ADAP2: variants seen among roughly 807,000 people sequenced by gnomAD.
The protein encoded by ADAP2 is arf-GAP with dual PH domain-containing protein 2.
In ADAP2, 42 loss-of-function variants were observed where a neutral mutation model predicts 54.9. The observed-to-expected ratio is 0.77, with a 90% CI of 0.60 to 0.99. The LOEUF is 0.99. Among genes scored for constraint, ADAP2 ranks in the 50% least tolerant of loss-of-function variants. ADAP2 has a pLI of 0.00. For synonymous variants in ADAP2, 177 were observed against 180.1 expected, an observed-to-expected ratio of 0.98 and a Z score of 0.14; for missense variants, 429 against 480.4, an observed-to-expected ratio of 0.89 and a Z score of 1.00.
intron 7 of ADAP2, among the ~76,000 whole-genome samples, chr17:30,951,078 G>A (rs1346315998): frequency 6.6e-5 from 10 of 152,132 alleles, no homozygotes; most frequent in Admixed American, 5.9e-4. Flanking sequence ...CAAGCTTTAG[G>A]GGTCCACATG....
chr17:30,925,183 ATTT>A (rs57259969), intron 2 of ADAP2, among the ~76,000 whole-genome samples: 3 of 98,128 alleles, frequency 3.1e-5, no homozygotes, highest in East Asian at 3.0e-4. Flanking sequence ...CGTGCCCAGC[ATTT>A]TTTTTTTTTT....
intron 4 of ADAP2, 73 bp from the exon 5 acceptor site, chr17:30,934,112 C>A: frequency 8.7e-7 from 1 of 1,149,906 alleles, no homozygotes; most frequent in Non-Finnish European, 1.3e-6. Context: ...CCCTTGAGAA[C>A]CTCAGAGGTT....
Position 30,944,973 on chromosome 17 carries a change from G to C in ADAP2, c.577G>C (p.Gly193Arg). The change falls in exon 6 of 11, where the codon GGG (glycine) becomes CGG (arginine). Residue 193 changes from glycine to arginine, a missense_variant. Gly to Arg is a moderately radical substitution (Grantham distance 125, BLOSUM62 -2). Transcript: ENST00000330889. ...LNATFQTEKI[G>R]HPHGLQITYR... ...TGCCACCTTCCAGACAGAGAAGATA[G>C]GGCACCCCCATGGGCTGCAGATCAC... 6.2e-7 allele frequency: 1 copy of C among 1,614,024 alleles called. No homozygotes were observed. Among genetic ancestry groups the C allele is most frequent in the Non-Finnish European group, 8.5e-7 (1 of 1,179,970 alleles).
At chr17:30,937,956 G>C (rs567323104) in intron 5 of ADAP2, among the ~76,000 whole-genome samples, 9 of 152,286 alleles carry the variant, frequency 5.9e-5, no homozygotes, top group African/African-American at 1.9e-4. Context: ...GCAGAAGTTG[G>C]ATGTCTGATT....
chr17:30,951,558 A>G (rs2142583393), intron 7 of ADAP2, among the ~76,000 whole-genome samples: 1 of 152,046 alleles, frequency 6.6e-6, no homozygotes, highest in African/African-American at 2.4e-5. Context: ...CTGGTCTCGA[A>G]CTTCTGGCCT....
In ADAP2 at chr17:30,955,113, ATT is replaced by A. The variant is rs113617171; in HGVS notation, c.882+570_882+571del. Among the ~76,000 whole-genome samples the A allele has an allele frequency of 6.0e-4, 87 of 145,508 alleles. 1 individual carries two copies. The highest frequency in any genetic ancestry group is 2.0e-3 in the African/African-American group (81 of 40,258). The stretch of plus-strand genomic sequence containing the variant: ...GCTCCGTAAATGTTAGGTATCACTT[ATT>A]TTTTTTTTTTTAGAGACAGAGTCTC... On this transcript the variant is annotated intron_variant, in intron 9 of 10. Transcript: ENST00000330889.
Position 30,944,942 on chromosome 17 carries a change from C to T in ADAP2, c.546C>T (p.Asp182=), listed in dbSNP as rs1912544184. 1 of 1,614,170 alleles carries T rather than the reference C, an allele frequency of 6.2e-7. No homozygotes were observed. Among genetic ancestry groups the T allele is most frequent in the Admixed American group, 1.7e-5 (1 of 60,014 alleles). The change falls in exon 6 of 11, where the codon GAC becomes GAT. Residue 182 remains aspartate, a synonymous_variant. Coordinates refer to ENST00000330889, the MANE Select transcript of ADAP2 (RefSeq NM_018404.3). ...KSPKAVISIK[D]LNATFQTEKI... ...CCAAAGCTGTCATCAGCATTAAGGACTTGAATGCCACCTTCCAGACAGAGA... is the reference window on the plus strand; with the variant it reads ...CCAAAGCTGTCATCAGCATTAAGGATTTGAATGCCACCTTCCAGACAGAGA...
Position 30,931,899 on chromosome 17 carries a change from G to A in ADAP2, c.328G>A (p.Glu110Lys). 6.2e-7 allele frequency: 1 copy of A among 1,613,696 alleles called. No homozygotes were observed. Among genetic ancestry groups the A allele is most frequent in the Non-Finnish European group, 8.5e-7 (1 of 1,179,828 alleles). ...GCTCTCTCTTTTTAGGGTCTTAAAG[G>A]AACAATGGATTCGAGCTAAGTATGA... ...PQANDCLVLK[E>K]QWIRAKYERR... is the part of the protein sequence containing the mutation. Residue 110 changes from glutamate (E) to lysine (K), a missense_variant, in exon 4 of 11, where the codon GAA (glutamate) becomes AAA (lysine). Physicochemically the swap from Glu to Lys is moderately conservative, Grantham distance 56 (BLOSUM62 1). Coordinates refer to ENST00000330889, the MANE Select transcript of ADAP2 (RefSeq NM_018404.3).
intron 3 of ADAP2, among the ~76,000 whole-genome samples, chr17:30,927,662 C>T (rs1173204004): frequency 6.6e-6 from 1 of 151,674 alleles, no homozygotes; most frequent in African/African-American, 2.4e-5. Context: ...GGCTCTGCCA[C>T]CTAAGCTCGG....
At position 30,957,816 on chromosome 17, in the gene ADAP2, C is replaced by A. The variant is rs751576214; in HGVS notation, c.1112-19C>A. ...ATTGGCATGGCCACCTCCCTCAGCC[C>A]TCTTCATTTCCCTTGCAGCTGCATC... On this transcript the variant is annotated intron_variant, in intron 10 of 10. Coordinates refer to ENST00000330889, the MANE Select transcript of ADAP2 (RefSeq NM_018404.3). 1 of 1,613,698 alleles carries A rather than the reference C, an allele frequency of 6.2e-7. No individual in the cohort carries two copies. Among genetic ancestry groups the A allele is most frequent in the South Asian group, 1.1e-5 (1 of 90,942 alleles).
chr17:30,934,620 C>T (rs559845334), intron 5 of ADAP2, among the ~76,000 whole-genome samples: 2 of 152,304 alleles, frequency 1.3e-5, no homozygotes, highest in Admixed American at 6.5e-5. Flanking sequence ...ACTGAGGATA[C>T]AGCAGGGAAC....
At chr17:30,922,351 G>A (rs973914693) in intron 1 of ADAP2, among the ~76,000 whole-genome samples, 8 of 152,032 alleles carry the variant, frequency 5.3e-5, no homozygotes, top group Non-Finnish European at 1.2e-4. Flanking sequence ...GACCAGATGC[G>A]CATCTTCCCA....
intron 7 of ADAP2, among the ~76,000 whole-genome samples, chr17:30,950,983 C>T (rs756390723): frequency 3.9e-5 from 6 of 152,316 alleles, no homozygotes; most frequent in Non-Finnish European, 8.8e-5. Context: ...CATCCACTGT[C>T]GGTACCTGAT....
At chr17:30,948,408 C>CAA (rs539830100) in intron 6 of ADAP2, among the ~76,000 whole-genome samples, 102 of 137,580 alleles carry the variant, frequency 7.4e-4, no homozygotes, top group Non-Finnish European at 1.2e-3. Flanking sequence ...ACTAAAAATA[C>CAA]AAAAAAAAAA....
At position 30,958,730 on chromosome 17, in the gene ADAP2, G is replaced by GC. The variant is rs1905247156; in HGVS notation, c.*861_*862insC. The GC allele has an allele frequency of 6.6e-6, 1 of 151,052 alleles. No individual in the cohort carries two copies. The highest frequency in any genetic ancestry group is 1.5e-5 in the Non-Finnish European group (1 of 67,778). The allele number at this position is 151,052 out of a possible 1,614,324, so 9.4% of individuals were successfully genotyped here. On this transcript the variant is annotated 3_prime_UTR_variant, in exon 11 of 11. Transcript: ENST00000330889. ...CATAGTGAGACCCCATCTCTACAAA[G>GC]AAAAAAAAATTAGCTGGACATGGTA...
At chr17:30,924,377 A>G (rs1211547190) in intron 2 of ADAP2, among the ~76,000 whole-genome samples, 5 of 152,060 alleles carry the variant, frequency 3.3e-5, no homozygotes, top group Non-Finnish European at 7.4e-5. Flanking sequence ...CCTCAAAAAA[A>G]AAAAAAAAGT....
At chr17:30,944,489 T>C (rs1912505407) in intron 5 of ADAP2, among the ~76,000 whole-genome samples, 1 of 151,986 alleles carries the variant, frequency 6.6e-6, no homozygotes, top group Non-Finnish European at 1.5e-5. Flanking sequence ...AATACAAAAA[T>C]TAGCCAGGTG....
Position 30,956,245 on chromosome 17 carries a change from C to T in ADAP2, c.887C>T (p.Ala296Val). 2 of 1,614,108 alleles carry T rather than the reference C, an allele frequency of 1.2e-6. No homozygotes were observed. The highest frequency in any genetic ancestry group is 8.5e-7 in the Non-Finnish European group (1 of 1,180,004). The change falls in exon 10 of 11, where the codon GCC becomes GTC. Residue 296 changes from alanine to valine, a missense_variant. Transcript: ENST00000330889. ...CCCTGTACTCTCCATTTTCAGGATG[C>T]CTTCGAGCAGGGCCAGGTTTTTCTT... ...RLLYYKNPLDAFEQGQVFLGN... is the reference protein window; with the variant it reads ...RLLYYKNPLDVFEQGQVFLGN...
intron 7 of ADAP2, among the ~76,000 whole-genome samples, chr17:30,949,601 T>G (rs1237708245): frequency 6.6e-6 from 1 of 151,692 alleles, no homozygotes; most frequent in Non-Finnish European, 1.5e-5. Flanking sequence ...ACAAAAAAAT[T>G]AGCCAGGTGT....
Sources: gnomAD v4.1 joint callset for allele counts (sites outside exome capture counted in the v4.1 genomes callset) on GRCh38, gnomAD v4.1.1 for gene constraint, MANE v1.5 for transcripts, NCBI Gene and HGNC (gene_info 2026-07-23, HGNC 2026-07-21) for gene names.